Variants in NOS1 observed in about 807,000 individuals in gnomAD.
The protein encoded by NOS1 is nitric oxide synthase 1.
A neutral mutation model predicts 164.5 loss-of-function variants in NOS1; 51 were observed. The ratio of observed to expected loss-of-function variants is 0.31; its 90% CI spans 0.25 to 0.39. NOS1 has a LOEUF of 0.39. Among genes scored for constraint, NOS1 ranks in the 10% least tolerant of loss-of-function variants. The pLI is 1.00. For synonymous variants in NOS1, 719 were observed against 745.8 expected, an observed-to-expected ratio of 0.96 and a Z score of 0.59; for missense variants, 1,362 against 1,885.6, an observed-to-expected ratio of 0.72 and a Z score of 5.14.
chr12:117,264,789 G>A lies in NOS1; in HGVS notation c.2136+527C>T, dbSNP rs377435067. 1.5e-4 allele frequency among the ~76,000 whole-genome samples: 22 copies of A among 150,088 alleles called. No individual in the cohort carries two copies. In the East Asian group the frequency reaches 3.2e-3, roughly 22 times the overall value. On this transcript the variant is annotated intron_variant, in intron 12 of 28. Transcript: ENST00000317775. ...GGCTGGAGTTCAGTGGCTTGATATC[G>A]GCTCACTGCAACCTCCACCTCCTGG...
intron 1 of NOS1, among the ~76,000 whole-genome samples, chr12:117,358,121 T>G (rs1876939525): frequency 6.6e-6 from 1 of 152,184 alleles, no homozygotes; most frequent in African/African-American, 2.4e-5. Flanking sequence ...CCAAAACATC[T>G]GCAGATTGTG....
At chr12:117,327,725 C>T (rs1875325401) in intron 2 of NOS1, among the ~76,000 whole-genome samples, 1 of 152,204 alleles carries the variant, frequency 6.6e-6, no homozygotes, top group South Asian at 2.1e-4. Flanking sequence ...TGGTCTTCCT[C>T]CTCCTGGGGA....
chr12:117,232,240 C>T, intron 21 of NOS1, 109 bp from the exon 22 acceptor site: 1 of 977,788 alleles, frequency 1.0e-6, no homozygotes, highest in Non-Finnish European at 1.5e-6. Flanking sequence ...AGGAGGGTGG[C>T]TCCAGAGCCA....
Position 117,225,125 on chromosome 12 carries a change from G to A in NOS1, c.3717C>T (p.Phe1239=). 1 of 1,612,962 alleles carries A rather than the reference G, an allele frequency of 6.2e-7. No homozygotes were observed. Among genetic ancestry groups the A allele is most frequent in the Non-Finnish European group, 8.5e-7 (1 of 1,179,420 alleles). ...GGACTTGGGGGTTCCGGGGCAGGTG[G>A]AAGCTGGGTGCTCTGGGCAAGGAAG... ...VPCFVRGAPS[F]HLPRNPQVPC... The change falls in exon 25 of 29, where the codon TTC becomes TTT. Residue 1239 remains phenylalanine, a synonymous_variant. Coordinates refer to ENST00000317775, the MANE Select transcript of NOS1 (RefSeq NM_000620.5).
In NOS1 at chr12:117,290,337, C is replaced by T. The variant is rs1326626690; in HGVS notation, c.942G>A (p.Glu314=). ...GGTGGAGGGTGTCAGTGAGAACCAC[C>T]TCAGTCTCCCAGTTCTTGACCTTGA... is the stretch of plus-strand genomic sequence containing the variant. The part of the protein sequence containing the change: ...RFLKVKNWET[E]VVLTDTLHLK... Residue 314 remains glutamate (E), a synonymous_variant, in exon 4 of 29, where the codon GAG becomes GAA. Coordinates refer to ENST00000317775, the MANE Select transcript of NOS1 (RefSeq NM_000620.5). 3 of 1,613,980 alleles carry T rather than the reference C, an allele frequency of 1.9e-6. No individual in the cohort carries two copies. Among genetic ancestry groups the T allele is most frequent in the African/African-American group, 2.7e-5 (2 of 74,904 alleles).
At chr12:117,328,224 G>A (rs1447785454) in intron 2 of NOS1, among the ~76,000 whole-genome samples, 1 of 152,122 alleles carries the variant, frequency 6.6e-6, no homozygotes, top group Non-Finnish European at 1.5e-5. Flanking sequence ...AGGCTGGAGT[G>A]CAGTGGTGCG....
intron 12 of NOS1, among the ~76,000 whole-genome samples, chr12:117,264,493 TTTC>T (rs1872213161): frequency 6.7e-6 from 1 of 150,156 alleles, no homozygotes. Context: ...TTTCTTTCTC[TTTC>T]TTTCTCTCTC....
At chr12:117,239,204 AT>A (rs1200479322) in intron 20 of NOS1, among the ~76,000 whole-genome samples, 3 of 152,176 alleles carry the variant, frequency 2.0e-5, no homozygotes, top group Admixed American at 2.0e-4. Context: ...AGACTGAAGC[AT>A]TCTCCCCATC....
chr12:117,328,020 G>T (rs781245413), intron 2 of NOS1, among the ~76,000 whole-genome samples: 11 of 152,078 alleles, frequency 7.2e-5, no homozygotes, highest in Non-Finnish European at 1.0e-4. Context: ...GGGCAGTTTG[G>T]GAGGAAGGTG....
chr12:117,353,757 T>A (rs1164614142), intron 1 of NOS1, among the ~76,000 whole-genome samples: 4 of 150,602 alleles, frequency 2.7e-5, no homozygotes, highest in African/African-American at 9.7e-5. Context: ...AGATAGGGAA[T>A]CCTGATCACA....
Position 117,214,204 on chromosome 12 carries a change from A to G in NOS1, c.*1105T>C. ...AAGCCCGCTTTGGGGGAATAAAAAAATAATAATCATATTGTTACTTGATAT... is the reference window on the plus strand; with the variant it reads ...AAGCCCGCTTTGGGGGAATAAAAAAGTAATAATCATATTGTTACTTGATAT... On this transcript the variant is annotated 3_prime_UTR_variant, in exon 29 of 29. Transcript: ENST00000317775. 1 of 985,438 alleles carries G rather than the reference A, an allele frequency of 1.0e-6. No homozygotes were observed. The highest frequency in any genetic ancestry group is 1.2e-6 in the Non-Finnish European group (1 of 829,924). 61.0% of individuals were successfully genotyped at this position (985,438 alleles called of 1,614,324 possible).
rs950515406 is a variant in NOS1, at chr12:117,272,975, G to T, written c.1665-416C>A. Among the ~76,000 whole-genome samples, 2 of 151,758 alleles carry T rather than the reference G, an allele frequency of 1.3e-5. No homozygotes were observed. The highest frequency in any genetic ancestry group is 4.8e-5 in the African/African-American group (2 of 41,316). ...AACTTCTTCTTTCTTTCTTTTTTTT[G>T]GGGGGTAGGGGAATGCAGTCTCGCT... On this transcript the variant is annotated intron_variant, in intron 9 of 28. Coordinates refer to ENST00000317775, the MANE Select transcript of NOS1 (RefSeq NM_000620.5). This position sits in a 1 kb window ranked among gnomAD's most constrained non-coding sequence, Gnocchi z 4.3.
In NOS1 at chr12:117,214,796, C is replaced by T. The variant is rs1277734469; in HGVS notation, c.*513G>A. 5.1e-6 allele frequency: 5 copies of T among 985,356 alleles called. No homozygotes were observed. The highest frequency in any genetic ancestry group is 1.2e-6 in the Non-Finnish European group (1 of 830,344). The allele number at this position is 985,356 out of a possible 1,614,324, so 61.0% of individuals were successfully genotyped here. The stretch of plus-strand genomic sequence containing the variant: ...GCAGTGGCAATCTAAGATCGACACA[C>T]TTGTGCAGGGAAGAGGACGGACAGA... On this transcript the variant is annotated 3_prime_UTR_variant, in exon 29 of 29. Coordinates refer to ENST00000317775, the MANE Select transcript of NOS1 (RefSeq NM_000620.5).
intron 22 of NOS1, among the ~76,000 whole-genome samples, chr12:117,229,574 A>G (rs1869014867): frequency 6.6e-6 from 1 of 151,294 alleles, no homozygotes; most frequent in Non-Finnish European, 1.5e-5. Flanking sequence ...CTATCTATCT[A>G]TCTATCTATC....
In NOS1 at chr12:117,243,288, G is replaced by A. The variant is rs752625820; in HGVS notation, c.2962+9C>T. ...ACGAATACCTCCCTGGAAGGGTGGT[G>A]GGAGGTACCTTGTGTGAGTTCTGGA... is the stretch of plus-strand genomic sequence containing the variant. On this transcript the variant is annotated intron_variant, in intron 19 of 28. Transcript: ENST00000317775. This position sits in a 1 kb window ranked among gnomAD's most constrained non-coding sequence, Gnocchi z 4.3. The A allele has an allele frequency of 7.4e-6, 12 of 1,613,900 alleles. No homozygotes were observed. Among genetic ancestry groups the A allele is most frequent in the South Asian group, 1.1e-5 (1 of 91,012 alleles).
In NOS1 at chr12:117,209,999, G is replaced by C; in HGVS notation, c.*5310C>G. The C allele has an allele frequency of 1.0e-6, 1 of 983,566 alleles. No individual in the cohort carries two copies. The highest frequency in any genetic ancestry group is 6.1e-5 in the Admixed American group (1 of 16,266). 60.9% of individuals were successfully genotyped at this position (983,566 alleles called of 1,614,324 possible). ...CATTTTAATTTTTTTTAGAGACAGG[G>C]TCTTGCTCTGTCACTCAGGCTGGAG... On this transcript the variant is annotated 3_prime_UTR_variant, in exon 29 of 29. Transcript: ENST00000317775.
chr12:117,295,816 A>G (rs1465692842), intron 3 of NOS1, among the ~76,000 whole-genome samples: 1 of 149,114 alleles, frequency 6.7e-6, no homozygotes, highest in Non-Finnish European at 1.5e-5. Flanking sequence ...TTTAGTAGAG[A>G]CGAGGTTTCA....
At chr12:117,257,250 A>G (rs1355983731) in intron 16 of NOS1, among the ~76,000 whole-genome samples, 1 of 151,386 alleles carries the variant, frequency 6.6e-6, no homozygotes, top group Non-Finnish European at 1.5e-5. Context: ...TGCCCAGCTA[A>G]TTTTTAATTT....
rs750155039 is a variant in NOS1, at chr12:117,330,391, C to T, written c.679G>A (p.Ala227Thr). The change falls in exon 2 of 29, where the codon GCA (alanine) becomes ACA (threonine). Residue 227 changes from alanine (A) to threonine (T), a missense_variant. This residue lies in a region of NOS1 where 362 missense variants were observed against 402.0 expected (regional missense o/e 0.90). Transcript: ENST00000317775. This position sits in a 1 kb window ranked among gnomAD's most constrained non-coding sequence, Gnocchi z 4.6. ...TSGSRGVKGG[A>T]PAKAEMKDMG... is the part of the protein sequence containing the mutation. Reference sequence around the variant, plus strand: ...TCTTTCATCTCTGCCTTGGCAGGTGCCCCTCCCTTGACCCCTCTGCTCCCA... The same window carrying T: ...TCTTTCATCTCTGCCTTGGCAGGTGTCCCTCCCTTGACCCCTCTGCTCCCA... 5.6e-6 allele frequency: 9 copies of T among 1,613,994 alleles called. No homozygotes were observed. The highest frequency in any genetic ancestry group is 7.6e-6 in the Non-Finnish European group (9 of 1,179,928).
Sources: gnomAD v4.1 joint callset for allele counts (sites outside exome capture counted in the v4.1 genomes callset) on GRCh38, gnomAD v4.1.1 for gene constraint, gnomAD v4.1.1 regional missense constraint, Gnocchi (gnomAD v3.1) non-coding constraint, MANE v1.5 for transcripts, NCBI Gene and HGNC (gene_info 2026-07-23, HGNC 2026-07-21) for gene names.